ADAMTS2: variants seen among roughly 807,000 people sequenced by gnomAD.
ADAMTS2 encodes A disintegrin and metalloproteinase with thrombospondin motifs 2.
ADAMTS2 carries 50 observed loss-of-function variants against 123.0 expected under a neutral mutation model. The ratio of observed to expected loss-of-function variants is 0.41; its 90% CI spans 0.32 to 0.51. The LOEUF (loss-of-function observed/expected upper bound fraction) is 0.51. ADAMTS2 is among the 20% of genes least tolerant of loss of function. The probability of loss-of-function intolerance (pLI) is 0.35; values close to 1 mark genes in which losing one functional copy is unlikely to be tolerated. For missense variants in ADAMTS2, 1,494 were observed against 1,705.2 expected, an observed-to-expected ratio of 0.88 and a Z score of 2.18; for synonymous variants, 678 against 695.4, an observed-to-expected ratio of 0.98 and a Z score of 0.39.
intron 10 of ADAMTS2, among the ~76,000 whole-genome samples, chr5:179,150,154 C>A (rs1372418332): frequency 2.8e-5 from 4 of 144,662 alleles, no homozygotes; most frequent in Non-Finnish European, 6.3e-5. Flanking sequence ...CCTGAACCAG[C>A]ATGCCTGTGC....
At chr5:179,127,367 G>A (rs1390898920) in intron 17 of ADAMTS2, among the ~76,000 whole-genome samples, 1 of 152,146 alleles carries the variant, frequency 6.6e-6, no homozygotes, top group South Asian at 2.1e-4. Context: ...CCAGGTGTGG[G>A]CCCAGCATGG....
At chr5:179,311,664 C>A (rs1351254586) in intron 2 of ADAMTS2, among the ~76,000 whole-genome samples, 1 of 152,156 alleles carries the variant, frequency 6.6e-6, no homozygotes, top group Non-Finnish European at 1.5e-5. Context: ...GTCTGGTCAC[C>A]CCAGCCTGTC....
Position 179,154,908 on chromosome 5 carries a change from C to T in ADAMTS2, c.1144G>A (p.Val382Ile). The part of the protein sequence containing the change: ...GPSGMQGYAP[V>I]TGMCHPVRSC... Reference sequence around the variant, plus strand: ...CGGACCGGATGGCACATGCCGGTGACAGGAGCATAGCCTGGGAGGAGACAA... The same window carrying T: ...CGGACCGGATGGCACATGCCGGTGATAGGAGCATAGCCTGGGAGGAGACAA... The change falls in exon 7 of 22, where the codon GTC (valine) becomes ATC (isoleucine). Residue 382 changes from valine (V) to isoleucine (I), a missense_variant. Val to Ile is a conservative substitution (Grantham distance 29). This residue lies in a region of ADAMTS2 where 47 missense variants were observed against 92.7 expected (regional missense o/e 0.51). Coordinates refer to ENST00000251582, the MANE Select transcript of ADAMTS2 (RefSeq NM_014244.5). 5 of 1,613,314 alleles carry T rather than the reference C, an allele frequency of 3.1e-6. No homozygotes were observed. Among genetic ancestry groups the T allele is most frequent in the Non-Finnish European group, 4.2e-6 (5 of 1,179,882 alleles).
At position 179,272,642 on chromosome 5, in the gene ADAMTS2, T is replaced by C. The variant is rs1766570840; in HGVS notation, c.688+269A>G. Among the ~76,000 whole-genome samples, 1 of 152,098 alleles carries C rather than the reference T, an allele frequency of 6.6e-6. No individual in the cohort carries two copies. Among genetic ancestry groups the C allele is most frequent in the African/African-American group, 2.4e-5 (1 of 41,428 alleles). On this transcript the variant is annotated intron_variant, in intron 3 of 21. Coordinates refer to ENST00000251582, the MANE Select transcript of ADAMTS2 (RefSeq NM_014244.5). The surrounding 1 kb of genome is among the most constrained non-coding windows in gnomAD (Gnocchi z 5.8). ...ATGGGCCCTTGGACAGCCTTCATAG[T>C]CCACCATGGAGGCCCCAGACATGAA... is the stretch of plus-strand genomic sequence containing the variant.
intron 10 of ADAMTS2, among the ~76,000 whole-genome samples, chr5:179,145,883 G>T (rs34132209): frequency 0.2 from 31,175 of 152,100 alleles, 3,692 homozygotes; most frequent in East Asian, 0.33. Flanking sequence ...ACGAAGTTTC[G>T]CTCTTGTTGT....
intron 2 of ADAMTS2, among the ~76,000 whole-genome samples, chr5:179,309,616 C>T (rs71611485): frequency 0.074 from 11,226 of 152,034 alleles, 546 homozygotes; most frequent in East Asian, 0.16. Flanking sequence ...AAAATAGCCA[C>T]GCATGGTGGC....
At chr5:179,196,954 A>G (rs1375607713) in intron 4 of ADAMTS2, among the ~76,000 whole-genome samples, 1 of 152,268 alleles carries the variant, frequency 6.6e-6, no homozygotes, top group Non-Finnish European at 1.5e-5. Flanking sequence ...GAGTTTGCCA[A>G]CACAGCTTTA....
At chr5:179,299,548 C>CACACACACACACAT (rs1756451695) in intron 2 of ADAMTS2, among the ~76,000 whole-genome samples, 1 of 150,164 alleles carries the variant, frequency 6.7e-6, no homozygotes, top group African/African-American at 2.5e-5. Flanking sequence ...CACACACACA[C>CACACACACACACAT]ACACACACAC....
chr5:179,269,352 A>G (rs1766463394), intron 3 of ADAMTS2, among the ~76,000 whole-genome samples: 2 of 152,180 alleles, frequency 1.3e-5, no homozygotes, highest in Non-Finnish European at 2.9e-5. Flanking sequence ...GAGACTGGGC[A>G]ACTTACAAAA....
In ADAMTS2 at chr5:179,197,115, G is replaced by C. The variant is rs1217952384; in HGVS notation, c.891+10398C>G. Among the ~76,000 whole-genome samples the C allele has an allele frequency of 3.3e-5, 5 of 152,212 alleles. No homozygotes were observed. Among genetic ancestry groups the C allele is most frequent in the Admixed American group, 2.0e-4 (3 of 15,280 alleles). On this transcript the variant is annotated intron_variant, in intron 4 of 21. Coordinates refer to ENST00000251582, the MANE Select transcript of ADAMTS2 (RefSeq NM_014244.5). The surrounding 1 kb of genome is among the most constrained non-coding windows in gnomAD (Gnocchi z 4.2). ...GGGGGAGATGCCTTACATCTGTCTG[G>C]TGGCCTCTGGCAGGCCTGAGAGTAC...
chr5:179,154,370 G>A (rs1484880226), intron 7 of ADAMTS2, among the ~76,000 whole-genome samples, 178 bp from the exon 8 acceptor site: 2 of 152,172 alleles, frequency 1.3e-5, no homozygotes, highest in African/African-American at 2.4e-5. Flanking sequence ...GAGGCACTCT[G>A]GGGAGACAGT....
chr5:179,211,362 GC>G (rs1730285877), intron 3 of ADAMTS2, among the ~76,000 whole-genome samples: 2 of 137,260 alleles, frequency 1.5e-5, no homozygotes, highest in Admixed American at 6.9e-5. Flanking sequence ...AAGGCACTGG[GC>G]CCCCTGGGGG....
chr5:179,290,936 A>G (rs163492), intron 2 of ADAMTS2, among the ~76,000 whole-genome samples: 72,522 of 152,004 alleles, frequency 0.48, 17,584 homozygotes, highest in African/African-American at 0.52. Flanking sequence ...TGCCTGAGCC[A>G]CCCTGTGGGC....
At chr5:179,316,955 T>C (rs953617761) in intron 2 of ADAMTS2, among the ~76,000 whole-genome samples, 4 of 151,672 alleles carry the variant, frequency 2.6e-5, no homozygotes, top group African/African-American at 7.3e-5. Flanking sequence ...AGGAAATATA[T>C]TTAATTTTTT....
chr5:179,129,684 C>T lies in ADAMTS2; in HGVS notation c.2457+248G>A, dbSNP rs532679104. Among the ~76,000 whole-genome samples, 28 of 152,144 alleles carry T rather than the reference C, an allele frequency of 1.8e-4. No homozygotes were observed. The highest frequency in any genetic ancestry group is 4.6e-4 in the Admixed American group (7 of 15,286). On this transcript the variant is annotated intron_variant, in intron 16 of 21. Transcript: ENST00000251582. The surrounding 1 kb of genome is among the most constrained non-coding windows in gnomAD (Gnocchi z 4.1). ...GTGAATGTCATTCAGATGGTGAAAC[C>T]GAAACCCTCAAAGGGAGAGTGTGCC...
At chr5:179,300,160 T>C (rs1474899086) in intron 2 of ADAMTS2, among the ~76,000 whole-genome samples, 1 of 151,728 alleles carries the variant, frequency 6.6e-6, no homozygotes, top group East Asian at 1.9e-4. Context: ...AATCTCCTTA[T>C]CTTAAAAGTC....
chr5:179,328,180 GCA>G (rs1757363896), intron 2 of ADAMTS2, among the ~76,000 whole-genome samples: 1 of 152,080 alleles, frequency 6.6e-6, no homozygotes, highest in Non-Finnish European at 1.5e-5. Context: ...CTACAGGCGC[GCA>G]CCACCACGCC....
chr5:179,338,900 C>G (rs1757693095), intron 2 of ADAMTS2, among the ~76,000 whole-genome samples: 1 of 151,824 alleles, frequency 6.6e-6, no homozygotes, highest in African/African-American at 2.4e-5. Context: ...TTGGAGCTGG[C>G]TAGGGGAGGG....
At chr5:179,205,693 C>T (rs1192267900) in intron 4 of ADAMTS2, among the ~76,000 whole-genome samples, 1 of 152,208 alleles carries the variant, frequency 6.6e-6, no homozygotes, top group African/African-American at 2.4e-5. Flanking sequence ...ATGGCAAGTG[C>T]CCAGCATGGG....
Sources: gnomAD v4.1 joint callset for allele counts (sites outside exome capture counted in the v4.1 genomes callset) on GRCh38, gnomAD v4.1.1 for gene constraint, gnomAD v4.1.1 regional missense constraint, Gnocchi (gnomAD v3.1) non-coding constraint, MANE v1.5 for transcripts, NCBI Gene and HGNC (gene_info 2026-07-23, HGNC 2026-07-21) for gene names.